The following OSBPL10 variants were observed in gnomAD, a reference collection of about 807,000 sequenced individuals.
The protein encoded by OSBPL10 is oxysterol-binding protein-related protein 10.
A neutral mutation model predicts 81.7 loss-of-function variants in OSBPL10; 49 were observed. The observed-to-expected ratio is 0.60, with a 90% CI of 0.48 to 0.76. The LOEUF is 0.76. Ranked by LOEUF, OSBPL10 falls within the 30% of genes least tolerant of loss-of-function variation. The pLI, the probability that OSBPL10 is intolerant of heterozygous loss-of-function variation, is 0.00. For synonymous variants in OSBPL10, 419 were observed against 383.6 expected (o/e 1.09, Z -1.08); for missense variants, 923 against 987.8 (o/e 0.93, Z 0.88).
At position 32,012,515 on chromosome 3, in the gene OSBPL10, TAGGAAG is replaced by T. The variant is rs753915465; in HGVS notation, n.298+33970_298+33975del. Among the ~76,000 whole-genome samples, 53 of 152,290 alleles carry T rather than the reference TAGGAAG, an allele frequency of 3.5e-4. 1 individual carries two copies. Among genetic ancestry groups the T allele is most frequent in the Non-Finnish European group, 4.3e-4 (29 of 68,028 alleles). On this transcript the variant is annotated intron_variant and non_coding_transcript_variant, in intron 2 of 3. Coordinates refer to the OSBPL10 transcript ENST00000479173. ...GCCAAATTGTAAAGTCCATCGATGCTAGGAAGAAACTGCATCAACTAACGAGCAAAA... is the reference window on the plus strand; with the variant it reads ...GCCAAATTGTAAAGTCCATCGATGCTAAACTGCATCAACTAACGAGCAAAA...
chr3:31,952,106 CTTAAA>C (rs1697887145), intron 1 of OSBPL10, among the ~76,000 whole-genome samples: 2 of 151,656 alleles, frequency 1.3e-5, no homozygotes, highest in South Asian at 4.1e-4. Flanking sequence ...ACAAAAGACT[CTTAAA>C]TTCAATGAAA....
At chr3:31,948,038 G>A (rs1354175415) in intron 1 of OSBPL10, among the ~76,000 whole-genome samples, 1 of 152,300 alleles carries the variant, frequency 6.6e-6, no homozygotes, top group East Asian at 1.9e-4. Context: ...CAGAGTGGAG[G>A]ATGCAGGTTA....
At chr3:32,036,929 G>A (rs144038178) in intron 2 of OSBPL10, among the ~76,000 whole-genome samples, 170 of 152,142 alleles carry the variant, frequency 1.1e-3, no homozygotes, top group Middle Eastern at 6.8e-3. Context: ...TTCTAACCAA[G>A]CAACTAGGCA....
chr3:31,738,123 T>C (rs11129459), intron 5 of OSBPL10, among the ~76,000 whole-genome samples: 87,988 of 151,682 alleles, frequency 0.58, 28,007 homozygotes, highest in African/African-American at 0.85. Context: ...TATAAATACA[T>C]GTCCTGGGCT....
chr3:31,803,862 G>T (rs1699457348), intron 4 of OSBPL10, among the ~76,000 whole-genome samples: 1 of 152,174 alleles, frequency 6.6e-6, no homozygotes, highest in Admixed American at 6.5e-5. Flanking sequence ...CCTTCTCAAT[G>T]CATCATATTT....
chr3:31,942,062 C>G (rs1412436808), intron 1 of OSBPL10, among the ~76,000 whole-genome samples: 15 of 151,766 alleles, frequency 9.9e-5, no homozygotes, highest in Admixed American at 9.8e-4. Flanking sequence ...ATCACGAGGT[C>G]AGGAGATTGA....
intron 4 of OSBPL10, among the ~76,000 whole-genome samples, chr3:31,796,476 T>C (rs982950756): frequency 1.2e-4 from 19 of 152,164 alleles, no homozygotes; most frequent in Admixed American, 1.2e-3. Flanking sequence ...TGAGCATCCA[T>C]GGATTTTGGT....
chr3:31,814,886 A>T (rs11717535), intron 4 of OSBPL10, among the ~76,000 whole-genome samples: 5 of 151,960 alleles, frequency 3.3e-5, no homozygotes, highest in South Asian at 2.1e-4. Context: ...AAGTTGGCCA[A>T]GAATTCTTTG....
At chr3:31,994,487 A>G (rs920816689) in intron 2 of OSBPL10, among the ~76,000 whole-genome samples, 1 of 144,530 alleles carries the variant, frequency 6.9e-6, no homozygotes, top group African/African-American at 2.7e-5. Flanking sequence ...TGTCAGGGAA[A>G]AAAAGGATGG....
At chr3:31,824,596 G>A (rs1399057350) in intron 4 of OSBPL10, among the ~76,000 whole-genome samples, 1 of 152,142 alleles carries the variant, frequency 6.6e-6, no homozygotes, top group East Asian at 1.9e-4. Flanking sequence ...TTGATGCCTT[G>A]GACTAGGTTC....
chr3:32,032,488 A>G (rs1482245592), intron 2 of OSBPL10, among the ~76,000 whole-genome samples: 2 of 152,120 alleles, frequency 1.3e-5, no homozygotes, highest in Non-Finnish European at 2.9e-5. Context: ...ATGAAATAAA[A>G]TCTATGGCAA....
rs143846816 is a variant in OSBPL10, at chr3:31,822,536, A to G, written c.729+7504T>C. 8.8e-4 allele frequency among the ~76,000 whole-genome samples: 134 copies of G among 152,296 alleles called. 2 individuals are homozygous for G. The East Asian group carries it at 0.02, about 23-fold the overall frequency. On this transcript the variant is annotated intron_variant, in intron 4 of 11. Coordinates refer to ENST00000396556, the MANE Select transcript of OSBPL10 (RefSeq NM_017784.5). Reference sequence around the variant, plus strand: ...AGCAAGGAAGAATTTTATTAAAATCACATTGTACTTGTACCAATTGAACTT... The same window carrying G: ...AGCAAGGAAGAATTTTATTAAAATCGCATTGTACTTGTACCAATTGAACTT...
At chr3:31,716,891 T>G (rs1696461016) in intron 6 of OSBPL10, 1 of 152,186 alleles carries the variant, frequency 6.6e-6, no homozygotes, top group African/African-American at 2.4e-5. Context: ...AACTTTGAAT[T>G]TTATGTGTCC....
intron 1 of OSBPL10, among the ~76,000 whole-genome samples, chr3:31,909,043 A>G (rs548645415): frequency 1.3e-5 from 2 of 152,252 alleles, no homozygotes; most frequent in Non-Finnish European, 2.9e-5. Flanking sequence ...ATGCTAAAAC[A>G]TAGCTAGCAT....
At chr3:31,810,419 G>GA (rs562514691) in intron 4 of OSBPL10, among the ~76,000 whole-genome samples, 21 of 151,360 alleles carry the variant, frequency 1.4e-4, no homozygotes, top group East Asian at 1.4e-3. Flanking sequence ...ATCTTAGAGT[G>GA]AAAAAAATGT....
At chr3:31,955,260 T>C (rs958029878) in intron 1 of OSBPL10, among the ~76,000 whole-genome samples, 18 of 152,246 alleles carry the variant, frequency 1.2e-4, no homozygotes, top group Non-Finnish European at 2.5e-4. Context: ...TAGACACTCA[T>C]ATGCCATCTG....
chr3:31,895,130 C>T (rs1411022876), intron 1 of OSBPL10, among the ~76,000 whole-genome samples: 1 of 123,258 alleles, frequency 8.1e-6, no homozygotes, highest in African/African-American at 3.6e-5. Context: ...GAATTCTCTG[C>T]GGCCTTTTTT....
chr3:31,810,591 C>T (rs7653230), intron 4 of OSBPL10, among the ~76,000 whole-genome samples: 27,363 of 151,958 alleles, frequency 0.18, 4,264 homozygotes, highest in African/African-American at 0.43. Context: ...TATAAAACTC[C>T]TGGAAACCAA....
At chr3:31,768,467 C>T (rs2125739470) in intron 4 of OSBPL10, among the ~76,000 whole-genome samples, 1 of 152,228 alleles carries the variant, frequency 6.6e-6, no homozygotes, top group Middle Eastern at 3.4e-3. Context: ...ATTAATTCAC[C>T]ACCTTTAAAC....
Sources: gnomAD v4.1 joint callset for allele counts (sites outside exome capture counted in the v4.1 genomes callset) on GRCh38, gnomAD v4.1.1 for gene constraint, MANE v1.5 for transcripts, NCBI Gene and HGNC (gene_info 2026-07-23, HGNC 2026-07-21) for gene names.